Variants in CEP128 observed in about 807,000 individuals in gnomAD.
CEP128 encodes the protein centrosomal protein 128.
CEP128 carries 132 observed loss-of-function variants against 156.7 expected under a neutral mutation model. The observed-to-expected ratio is 0.84, with a 90% CI of 0.73 to 0.97. CEP128 has a LOEUF of 0.97. CEP128 is among the 50% of genes least tolerant of loss of function. The pLI is 0.00. For synonymous variants in CEP128, 469 were observed against 448.9 expected, an observed-to-expected ratio of 1.04 and a Z score of -0.57; for missense variants, 1,252 against 1,281.9, an observed-to-expected ratio of 0.98 and a Z score of 0.36.
intron 8 of CEP128, among the ~76,000 whole-genome samples, chr14:80,891,362 AC>A (rs1889090413): frequency 6.6e-6 from 1 of 152,152 alleles, no homozygotes; most frequent in South Asian, 2.1e-4. Flanking sequence ...ACAATGGAGT[AC>A]TATTCAGCCA....
intron 19 of CEP128, among the ~76,000 whole-genome samples, chr14:80,686,677 G>T (rs188152133): frequency 6.6e-6 from 1 of 152,190 alleles, no homozygotes; most frequent in Non-Finnish European, 1.5e-5. Flanking sequence ...CTATTCAAGA[G>T]ACCCATCTCA....
At chr14:80,694,588 T>C (rs1220641477) in intron 19 of CEP128, among the ~76,000 whole-genome samples, 3 of 152,196 alleles carry the variant, frequency 2.0e-5, no homozygotes, top group African/African-American at 4.8e-5. Context: ...AATGAGTTCA[T>C]GTCCTTTTCA....
At chr14:80,499,433 A>G (rs1339275184) in intron 24 of CEP128, among the ~76,000 whole-genome samples, 1 of 152,242 alleles carries the variant, frequency 6.6e-6, no homozygotes, top group African/African-American at 2.4e-5. Flanking sequence ...ATCTTTCATT[A>G]ATCTGCTTTT....
intron 9 of CEP128, among the ~76,000 whole-genome samples, chr14:80,850,641 G>C (rs908354365): frequency 5.3e-5 from 8 of 152,166 alleles, no homozygotes; most frequent in African/African-American, 1.9e-4. Flanking sequence ...AGCATTTGCT[G>C]TCAGCTCACA....
At chr14:80,719,432 C>CCCAAT (rs1482563449) in intron 19 of CEP128, among the ~76,000 whole-genome samples, 1 of 152,138 alleles carries the variant, frequency 6.6e-6, no homozygotes, top group Non-Finnish European at 1.5e-5. Flanking sequence ...TGGGCTAAGC[C>CCCAAT]CCAATTTTAG....
chr14:80,522,193 C>G (rs1888775598), intron 23 of CEP128, among the ~76,000 whole-genome samples: 1 of 152,052 alleles, frequency 6.6e-6, no homozygotes, highest in Admixed American at 6.6e-5. Flanking sequence ...TTGAATTGTA[C>G]CAGGAATTAT....
rs112499417 is a variant in CEP128, at chr14:80,631,564, G to A, written c.2807-51141C>T. ...TACTGTTTGTTTCTATATGTGATTC[G>A]GTATCTGCAAAGATCAATGAGTAAA... On this transcript the variant is annotated intron_variant, in intron 19 of 24. Transcript: ENST00000555265. 7.2e-4 allele frequency among the ~76,000 whole-genome samples: 109 copies of A among 151,916 alleles called. 3 individuals carry two copies. The highest frequency in any genetic ancestry group is 2.2e-4 in the Non-Finnish European group (15 of 67,840).
At chr14:80,619,706 TTA>T (rs1566815318) in intron 19 of CEP128, among the ~76,000 whole-genome samples, 1 of 124,502 alleles carries the variant, frequency 8.0e-6, no homozygotes, top group Non-Finnish European at 1.7e-5. Context: ...CTGTCTCAAG[TTA>T]AAAAAAAAAA....
At chr14:80,495,955 C>T (rs1395975986), downstream of CEP128, among the ~76,000 whole-genome samples, 1 of 152,072 alleles carries the variant, frequency 6.6e-6, no homozygotes, top group African/African-American at 2.4e-5. Context: ...TATGGATCAC[C>T]AGGACTGTGA....
intron 19 of CEP128, among the ~76,000 whole-genome samples, chr14:80,652,118 G>T (rs1035839093): frequency 7.2e-5 from 11 of 151,974 alleles, no homozygotes; most frequent in African/African-American, 2.7e-4. Context: ...AATAAATGGT[G>T]GTGGGAGAAT....
intron 19 of CEP128, among the ~76,000 whole-genome samples, chr14:80,615,848 CAAATAAATAAATAAATAAATAAATAAAT>C (rs56839383): frequency 6.7e-6 from 1 of 149,268 alleles, no homozygotes; most frequent in Non-Finnish European, 1.5e-5. Context: ...AACTCCATCT[CAAATAAATAAATAAATAAATAAATAAAT>C]AAATAAATAA....
At chr14:80,495,579 T>C (rs1319684319), downstream of CEP128, among the ~76,000 whole-genome samples, 1 of 151,610 alleles carries the variant, frequency 6.6e-6, no homozygotes, top group Non-Finnish European at 1.5e-5. Flanking sequence ...TCCAGTCTGT[T>C]ATAAAATCAC....
intron 16 of CEP128, among the ~76,000 whole-genome samples, chr14:80,774,363 C>A (rs981228004): frequency 1.3e-5 from 2 of 152,118 alleles, no homozygotes; most frequent in African/African-American, 4.8e-5. Flanking sequence ...TGCAAAAATA[C>A]CACCTTGTTA....
At chr14:80,850,412 G>A (rs890867760) in intron 9 of CEP128, among the ~76,000 whole-genome samples, 1 of 152,074 alleles carries the variant, frequency 6.6e-6, no homozygotes, top group Non-Finnish European at 1.5e-5. Flanking sequence ...CAATACTGAC[G>A]ACTAGTGGTC....
chr14:80,729,058 GGTGTGTGTGTGTGTGTGTGTGTGT>G (rs559470308), intron 19 of CEP128, among the ~76,000 whole-genome samples: 30 of 105,054 alleles, frequency 2.9e-4, no homozygotes, highest in African/African-American at 9.5e-4. Context: ...GGCTGGTGGG[GGTGTGTGTGTGTGTGTGTGTGTGT>G]GTGTGTGTGT....
intron 10 of CEP128, among the ~76,000 whole-genome samples, chr14:80,840,205 TGCTAAGCTCTACGTGTTCA>T (rs1886285219): frequency 2.0e-5 from 3 of 152,136 alleles, no homozygotes. Context: ...AACTCTAAAG[TGCTAAGCTCTACGTGTTCA>T]TAGAAATGAA....
intron 19 of CEP128, among the ~76,000 whole-genome samples, chr14:80,617,376 G>A (rs1313045454): frequency 6.6e-6 from 1 of 151,562 alleles, no homozygotes; most frequent in African/African-American, 2.4e-5. Context: ...GACTACAGGC[G>A]CAAGACGCCA....
intron 16 of CEP128, among the ~76,000 whole-genome samples, chr14:80,774,974 C>G (rs982040046): frequency 6.6e-6 from 1 of 152,160 alleles, no homozygotes; most frequent in South Asian, 2.1e-4. Flanking sequence ...ATTTTTATTA[C>G]TAACACATCA....
intron 19 of CEP128, among the ~76,000 whole-genome samples, chr14:80,692,390 G>C (rs1896749045): frequency 6.6e-6 from 1 of 152,186 alleles, no homozygotes; most frequent in South Asian, 2.1e-4. Context: ...TTATTGAATG[G>C]AATGGCTATC....
Sources: gnomAD v4.1 joint callset for allele counts (sites outside exome capture counted in the v4.1 genomes callset) on GRCh38, gnomAD v4.1.1 for gene constraint, MANE v1.5 for transcripts, NCBI Gene and HGNC (gene_info 2026-07-23, HGNC 2026-07-21) for gene names.